Variants in PEG3 observed in about 807,000 individuals in gnomAD.
PEG3 encodes the protein paternally expressed 3.
Under a neutral mutation model 35.5 loss-of-function variants are expected in PEG3, and 23 were observed. The ratio of observed to expected loss-of-function variants is 0.65; its 90% CI spans 0.47 to 0.92. The LOEUF (loss-of-function observed/expected upper bound fraction) is 0.92. Ranked by LOEUF, PEG3 falls within the 40% of genes least tolerant of loss-of-function variation. PEG3 has a pLI of 0.00. For missense variants in PEG3, 1,960 were observed against 1,985.3 expected (o/e 0.99, Z 0.24); for synonymous variants, 707 against 697.0 (o/e 1.01, Z -0.23).
intron 1 of PEG3, among the ~76,000 whole-genome samples, chr19:56,837,661 G>A (rs1053680064): frequency 6.6e-6 from 1 of 152,182 alleles, no homozygotes; most frequent in African/African-American, 2.4e-5. Context: ...TGCAGCCCGC[G>A]GTCACTCAGG....
chr19:56,840,515 C>T (rs1372372043), intron 1 of PEG3, 67 bp downstream of exon 1: 1 of 152,294 alleles, frequency 6.6e-6, no homozygotes, highest in African/African-American at 2.4e-5. Flanking sequence ...CCACTCTGGC[C>T]CAGAGCCGTC....
chr19:56,824,387 AC>A lies in PEG3; in HGVS notation c.268del (p.Val90SerfsTer6), dbSNP rs770836946. 10 of 1,614,078 alleles carry A rather than the reference AC, an allele frequency of 6.2e-6. No homozygotes were observed. In the South Asian group the frequency reaches 9.9e-5, roughly 16 times the overall value. The part of the protein sequence containing the change: ...RTKEEIIELL[V>X]LEQYLTIIPE... Reference sequence around the variant, plus strand: ...GATGATGGTCAGGTACTGCTCAAGGACCAAGAGCTCGATGATCTCCTCCTTG... The same window carrying A: ...GATGATGGTCAGGTACTGCTCAAGGACAAGAGCTCGATGATCTCCTCCTTG... On this transcript the variant is annotated frameshift_variant, in exon 4 of 10. Coordinates refer to ENST00000326441, the MANE Select transcript of PEG3 (RefSeq NM_006210.3). LOFTEE classifies it high-confidence loss of function.
Position 56,821,770 on chromosome 19 carries a change from G to A in PEG3, c.566-16C>T, listed in dbSNP as rs1344656026. On this transcript the variant is annotated splice_polypyrimidine_tract_variant and intron_variant, in intron 6 of 9. Transcript: ENST00000326441. Reference sequence around the variant, plus strand: ...GGAGGCATCCCTGGGAAGAAAAAAGGCATCAACAAGAAGCAGGGCCCAGTC... The same window carrying A: ...GGAGGCATCCCTGGGAAGAAAAAAGACATCAACAAGAAGCAGGGCCCAGTC... 3 of 1,613,268 alleles carry A rather than the reference G, an allele frequency of 1.9e-6. No homozygotes were observed. Among genetic ancestry groups the A allele is most frequent in the Non-Finnish European group, 2.5e-6 (3 of 1,179,924 alleles).
intron 8 of PEG3, among the ~76,000 whole-genome samples, chr19:56,818,180 C>T (rs1003077513): frequency 4.6e-5 from 7 of 152,180 alleles, no homozygotes; most frequent in Non-Finnish European, 7.3e-5. Flanking sequence ...GCTCTTCCTC[C>T]ACCCACTCCC....
rs770291543 is a variant in PEG3, at chr19:56,813,660, C to T, written c.*15G>A. On this transcript the variant is annotated 3_prime_UTR_variant, in exon 10 of 10. Coordinates refer to ENST00000326441, the MANE Select transcript of PEG3 (RefSeq NM_006210.3). The stretch of plus-strand genomic sequence containing the variant: ...AAGTCCTAGGTGAAGGTTTTCTAAC[C>T]TTTACCCCATGCCCTCAGCCAGTGT... 5.0e-6 allele frequency: 8 copies of T among 1,605,528 alleles called. No homozygotes were observed. The highest frequency in any genetic ancestry group is 1.3e-5 in the African/African-American group (1 of 74,794).
chr19:56,817,920 T>C (rs1423814832), intron 8 of PEG3, 85 bp from the exon 9 acceptor site: 2 of 1,091,556 alleles, frequency 1.8e-6, no homozygotes, highest in African/African-American at 1.5e-5. Context: ...CATCTTTCAC[T>C]GAGCCACTAA....
chr19:56,833,189 G>A lies in PEG3; in HGVS notation c.-163+2829C>T, dbSNP rs781349465. ...GGCTCCCACATCCCATCTGATGCAG[G>A]AGAAAATCCACCGAGTCTCCTTCAG... On this transcript the variant is annotated intron_variant, in intron 2 of 9. Coordinates refer to ENST00000326441, the MANE Select transcript of PEG3 (RefSeq NM_006210.3). 8 of 516,288 alleles carry A rather than the reference G, an allele frequency of 1.5e-5. No homozygotes were observed. The East Asian group carries it at 3.8e-4, about 25-fold the overall frequency. The allele number at this position is 516,288 out of a possible 1,614,324, so 32.0% of individuals were successfully genotyped here.
At position 56,817,117 on chromosome 19, in the gene PEG3, G is replaced by T; in HGVS notation, c.1325C>A (p.Ser442Ter). The T allele has an allele frequency of 6.2e-7, 1 of 1,614,096 alleles. No individual in the cohort carries two copies. The highest frequency in any genetic ancestry group is 1.1e-5 in the South Asian group (1 of 91,076). The change falls in exon 10 of 10, where the codon TCA becomes TAA. Residue 442 changes from serine (S) to a stop codon, truncating the protein, a stop_gained. Transcript: ENST00000326441. LOFTEE classifies it low-confidence loss of function (END_TRUNC). The stretch of plus-strand genomic sequence containing the variant: ...CATTGCCCCAAAATCAATTGGCTGT[G>T]ACTCGGTAAAGGAGGGGGAGCTGAG... ...SSLSSPSFTE[S>*]QPIDFGAMPY... is the part of the protein sequence containing the mutation.
At chr19:56,838,635 G>A (rs1328189420) in intron 1 of PEG3, among the ~76,000 whole-genome samples, 1 of 152,208 alleles carries the variant, frequency 6.6e-6, no homozygotes, top group African/African-American at 2.4e-5. Context: ...CACAGCGAGC[G>A]CGGTGATAAC....
At chr19:56,823,994 C>A (rs2060770810) in intron 4 of PEG3, among the ~76,000 whole-genome samples, 1 of 152,158 alleles carries the variant, frequency 6.6e-6, no homozygotes, top group African/African-American at 2.4e-5. Context: ...AGAAGTGTCT[C>A]CTTTCCCTCT....
chr19:56,813,957 A>G lies in PEG3; in HGVS notation c.4485T>C (p.Asp1495=). 1 of 1,613,914 alleles carries G rather than the reference A, an allele frequency of 6.2e-7. No individual in the cohort carries two copies. The highest frequency in any genetic ancestry group is 1.7e-5 in the Admixed American group (1 of 60,016). The part of the protein sequence containing the change: ...VGIEDPEEGE[D]QEIQVEEPYY... Reference sequence around the variant, plus strand: ...ATGGTTCTTCTACCTGAATCTCTTGATCTTCACCTTCTTCTGGGTCTTCAA... The same window carrying G: ...ATGGTTCTTCTACCTGAATCTCTTGGTCTTCACCTTCTTCTGGGTCTTCAA... Residue 1495 remains aspartate (D), a synonymous_variant, in exon 10 of 10, where the codon GAT becomes GAC. Coordinates refer to ENST00000326441, the MANE Select transcript of PEG3 (RefSeq NM_006210.3).
At position 56,824,603 on chromosome 19, in the gene PEG3, G is replaced by A; in HGVS notation, c.53C>T (p.Pro18Leu). ...SATKPKKSWAPNLYELDSDLT... is the reference protein window; with the variant it reads ...SATKPKKSWALNLYELDSDLT... Reference sequence around the variant, plus strand: ...GTCACTGTCTAGCTCATACAGATTTGGGGCCCAGGACTTCTTAGGTTTGGT... The same window carrying A: ...GTCACTGTCTAGCTCATACAGATTTAGGGCCCAGGACTTCTTAGGTTTGGT... The change falls in exon 4 of 10, where the codon CCA becomes CTA. Residue 18 changes from proline to leucine, a missense_variant. By Grantham distance (98) the Pro-to-Leu change is moderately conservative. Coordinates refer to ENST00000326441, the MANE Select transcript of PEG3 (RefSeq NM_006210.3). 6.2e-7 allele frequency: 1 copy of A among 1,612,848 alleles called. No homozygotes were observed. The highest frequency in any genetic ancestry group is 8.5e-7 in the Non-Finnish European group (1 of 1,178,914).
chr19:56,829,429 T>C (rs996200628), intron 2 of PEG3, among the ~76,000 whole-genome samples: 1 of 151,968 alleles, frequency 6.6e-6, no homozygotes, highest in South Asian at 2.1e-4. Context: ...AGGTAAAACC[T>C]TGAACACAAA....
chr19:56,838,154 T>A (rs2062410610), intron 1 of PEG3, among the ~76,000 whole-genome samples: 1 of 152,122 alleles, frequency 6.6e-6, no homozygotes, highest in Admixed American at 6.5e-5. Context: ...CTCAGTCCTC[T>A]GCACCCGGCC....
chr19:56,836,578 T>TA (rs2062130898), intron 1 of PEG3, among the ~76,000 whole-genome samples: 1 of 152,156 alleles, frequency 6.6e-6, no homozygotes, highest in African/African-American at 2.4e-5. Flanking sequence ...TTCAATCAAT[T>TA]AGAGGTCCCT....
intron 3 of PEG3, 33 bp from the exon 4 acceptor site, chr19:56,824,774 A>T: frequency 1.0e-6 from 1 of 966,420 alleles, no homozygotes. Flanking sequence ...CACATGTCCC[A>T]GAAGTTGAAG....
At chr19:56,818,762 A>C (rs1273024228) in intron 7 of PEG3, 60 bp from the exon 8 acceptor site, 10 of 1,582,136 alleles carry the variant, frequency 6.3e-6, no homozygotes, top group Non-Finnish European at 8.7e-6. Context: ...TCAAAGACAG[A>C]ATAATGTTGG....
rs2059847299 is a variant in PEG3 at position 56,815,076 on chromosome 19, G to A, written c.3366C>T (p.Leu1122=). The A allele has an allele frequency of 1.9e-6, 3 of 1,613,790 alleles. No homozygotes were observed. Among genetic ancestry groups the A allele is most frequent in the Non-Finnish European group, 2.5e-6 (3 of 1,179,852 alleles). Residue 1122 remains leucine, a synonymous_variant, in exon 10 of 10, where the codon CTC becomes CTT. Coordinates refer to ENST00000326441, the MANE Select transcript of PEG3 (RefSeq NM_006210.3). ...TGCTGTGGACTTTCTGATGGTCTGT[G>A]AGGTCTGTGAGATCCACAAAGCCCA... ...CGLGFVDLTD[L]TDHQKVHSRK...
rs372299134 is a variant in PEG3 at position 56,836,088 on chromosome 19, A to T, written c.-233T>A. On this transcript the variant is annotated 5_prime_UTR_variant, in exon 2 of 10. Transcript: ENST00000326441. Reference sequence around the variant, plus strand: ...GCCAGTCGTCTCCAAGAAGGACGGAAGATCAAGAAGGCAAAGCTGTAGAGG... The same window carrying T: ...GCCAGTCGTCTCCAAGAAGGACGGATGATCAAGAAGGCAAAGCTGTAGAGG... 3.8e-5 allele frequency: 19 copies of T among 493,566 alleles called. No individual in the cohort carries two copies. In the East Asian group the frequency reaches 8.6e-4, roughly 22 times the overall value. The allele number at this position is 493,566 out of a possible 1,614,324, so 30.6% of individuals were successfully genotyped here.
Sources: gnomAD v4.1 joint callset for allele counts (sites outside exome capture counted in the v4.1 genomes callset) on GRCh38, gnomAD v4.1.1 for gene constraint, MANE v1.5 for transcripts, NCBI Gene and HGNC (gene_info 2026-07-23, HGNC 2026-07-21) for gene names.